The following SCNN1B variants were observed in gnomAD, a reference collection of about 807,000 sequenced individuals.
SCNN1B encodes the protein sodium channel epithelial 1 subunit beta.
In SCNN1B, 46 loss-of-function variants were observed where a neutral mutation model predicts 65.3. That is an observed-to-expected ratio of 0.70 (90% CI 0.56 to 0.90). SCNN1B has a LOEUF of 0.90. Among genes scored for constraint, SCNN1B ranks in the 40% least tolerant of loss-of-function variants. The pLI, the probability that SCNN1B is intolerant of heterozygous loss-of-function variation, is 0.00. For synonymous variants in SCNN1B, 349 were observed against 330.6 expected, an observed-to-expected ratio of 1.06 and a Z score of -0.60; for missense variants, 751 against 830.5, an observed-to-expected ratio of 0.90 and a Z score of 1.18.
intron 2 of SCNN1B, among the ~76,000 whole-genome samples, chr16:23,288,429 GAC>G (rs1306293690): frequency 6.6e-6 from 1 of 152,096 alleles, no homozygotes; most frequent in Non-Finnish European, 1.5e-5. Flanking sequence ...TTTATTACGT[GAC>G]AGTTTCTGCC....
At chr16:23,315,325 G>T (rs563877437) in intron 1 of SCNN1B, among the ~76,000 whole-genome samples, 18 of 151,512 alleles carry the variant, frequency 1.2e-4, no homozygotes, top group Admixed American at 1.1e-3. Context: ...CAACAAGAGC[G>T]AAAGTCTGTC....
intron 1 of SCNN1B, among the ~76,000 whole-genome samples, chr16:23,338,662 G>A (rs1596849808): frequency 6.6e-6 from 1 of 152,200 alleles, no homozygotes; most frequent in Non-Finnish European, 1.5e-5. Context: ...GTATAAGACA[G>A]CATGGAATGG....
chr16:23,374,268 G>GGAAAAAA (rs1491419571), intron 7 of SCNN1B, among the ~76,000 whole-genome samples: 1 of 60,442 alleles, frequency 1.7e-5, no homozygotes, highest in African/African-American at 5.5e-5. Context: ...CCTGTCTCAG[G>GGAAAAAA]AAAAAAAAAA....
At chr16:23,303,016 C>T (rs1448116307) in intron 1 of SCNN1B, among the ~76,000 whole-genome samples, 2 of 152,102 alleles carry the variant, frequency 1.3e-5, no homozygotes, top group Non-Finnish European at 2.9e-5. Flanking sequence ...CTGTCAGTGG[C>T]GTCCGGGGAA....
At chr16:23,317,087 C>A (rs1208229847) in intron 1 of SCNN1B, among the ~76,000 whole-genome samples, 1 of 152,226 alleles carries the variant, frequency 6.6e-6, no homozygotes, top group Non-Finnish European at 1.5e-5. Context: ...GGCTCTAAAG[C>A]CTGAAAGACC....
intron 1 of SCNN1B, among the ~76,000 whole-genome samples, chr16:23,323,964 A>G (rs72654310): frequency 6.6e-6 from 1 of 152,208 alleles, no homozygotes; most frequent in African/African-American, 2.4e-5. Flanking sequence ...GAATTACAGT[A>G]GCCAACCTTC....
In SCNN1B at chr16:23,365,103, G is replaced by T. The variant is rs1171628886; in HGVS notation, c.777-2753G>T. Among the ~76,000 whole-genome samples the T allele has an allele frequency of 2.0e-5, 3 of 151,786 alleles. No homozygotes were observed. In the East Asian group the frequency reaches 5.8e-4, roughly 29 times the overall value. Reference sequence around the variant, plus strand: ...ATGGCACCACTTCACTCCAGCCTGGGGTGAAAGAGCAAAACTCCATCTCAA... The same window carrying T: ...ATGGCACCACTTCACTCCAGCCTGGTGTGAAAGAGCAAAACTCCATCTCAA... On this transcript the variant is annotated intron_variant, in intron 4 of 12. Coordinates refer to ENST00000343070, the MANE Select transcript of SCNN1B (RefSeq NM_000336.3).
intron 2 of SCNN1B, among the ~76,000 whole-genome samples, chr16:23,296,096 G>A (rs1052078320): frequency 2.0e-5 from 3 of 151,962 alleles, no homozygotes; most frequent in African/African-American, 7.2e-5. Context: ...CCAATTGGCC[G>A]GGCTGAAGGA....
At chr16:23,321,559 C>G (rs921235297) in intron 1 of SCNN1B, among the ~76,000 whole-genome samples, 1 of 152,168 alleles carries the variant, frequency 6.6e-6, no homozygotes. Flanking sequence ...TCAGGCAAAC[C>G]CTTGCTCTCT....
intron 11 of SCNN1B, among the ~76,000 whole-genome samples, chr16:23,379,503 G>C (rs1962991587): frequency 1.3e-5 from 2 of 152,222 alleles, no homozygotes; most frequent in South Asian, 4.1e-4. Flanking sequence ...CAGATAAGAA[G>C]AGGTACCAAT....
chr16:23,281,339 AG>A (rs1235401059), intron 1 of SCNN1B, among the ~76,000 whole-genome samples: 1 of 152,172 alleles, frequency 6.6e-6, no homozygotes, highest in Admixed American at 6.6e-5. Context: ...AGGCTGAGGC[AG>A]GAGAATCACT....
intron 8 of SCNN1B, 141 bp from the exon 9 acceptor site, chr16:23,377,024 G>A (rs917003836): frequency 7.4e-5 from 57 of 768,530 alleles, no homozygotes; most frequent in African/African-American, 6.3e-4. Context: ...GGTGGGGAGC[G>A]GTGATTTTTC....
At chr16:23,293,292 GA>G (rs1164750515) in intron 2 of SCNN1B, among the ~76,000 whole-genome samples, 1 of 152,000 alleles carries the variant, frequency 6.6e-6, no homozygotes, top group Non-Finnish European at 1.5e-5. Context: ...ATGGACAAAC[GA>G]AATGTGTGGT....
chr16:23,376,675 C>T (rs935828442), intron 8 of SCNN1B, among the ~76,000 whole-genome samples: 3 of 149,052 alleles, frequency 2.0e-5, no homozygotes, highest in African/African-American at 5.0e-5. Context: ...TTTGGGAGGC[C>T]GCGGTGAGCA....
rs184517812 is a variant in SCNN1B, at chr16:23,365,095, C to T, written c.777-2761C>T. Among the ~76,000 whole-genome samples, 8 of 151,948 alleles carry T rather than the reference C, an allele frequency of 5.3e-5. No individual in the cohort carries two copies. In the South Asian group the frequency reaches 1.0e-3, roughly 20 times the overall value. ...GAGCTGAGATGGCACCACTTCACTC[C>T]AGCCTGGGGTGAAAGAGCAAAACTC... On this transcript the variant is annotated intron_variant, in intron 4 of 12. Coordinates refer to ENST00000343070, the MANE Select transcript of SCNN1B (RefSeq NM_000336.3).
intron 2 of SCNN1B, among the ~76,000 whole-genome samples, chr16:23,351,631 G>T (rs1429998708): frequency 6.6e-6 from 1 of 152,326 alleles, no homozygotes; most frequent in Non-Finnish European, 1.5e-5. Flanking sequence ...TCTCCAGCCA[G>T]AGTTGGCATT....
rs1004418938 is a variant in SCNN1B at position 23,381,057 on chromosome 16, G to A, written c.*256G>A. Reference sequence around the variant, plus strand: ...TCCTACCCTCGTCCCTACCTGTCCTGATCCTGGTCCTGAAGACCCCTCGGA... The same window carrying A: ...TCCTACCCTCGTCCCTACCTGTCCTAATCCTGGTCCTGAAGACCCCTCGGA... On this transcript the variant is annotated 3_prime_UTR_variant, in exon 13 of 13. Transcript: ENST00000343070. The A allele has an allele frequency of 2.1e-5, 12 of 558,174 alleles. No homozygotes were observed. The highest frequency in any genetic ancestry group is 3.9e-5 in the Non-Finnish European group (12 of 309,492). 34.6% of individuals were successfully genotyped at this position (558,174 alleles called of 1,614,324 possible). A position where few individuals can be genotyped will look rare whatever the true frequency, so the allele number is the denominator to read the frequency against.
chr16:23,288,968 G>C (rs1248099614), intron 2 of SCNN1B, among the ~76,000 whole-genome samples: 1 of 152,196 alleles, frequency 6.6e-6, no homozygotes, highest in Non-Finnish European at 1.5e-5. Flanking sequence ...ATAGTAACTT[G>C]CTTCATCAAA....
chr16:23,369,848 T>G (rs896541026), intron 5 of SCNN1B, among the ~76,000 whole-genome samples: 3 of 152,244 alleles, frequency 2.0e-5, no homozygotes, highest in Admixed American at 6.5e-5. Flanking sequence ...CACTTCTCTG[T>G]GCCTCAGTTT....
Sources: allele counts gnomAD v4.1 joint callset (sites outside exome capture counted in the v4.1 genomes callset), GRCh38; gene constraint gnomAD v4.1.1; transcripts MANE v1.5; gene names NCBI Gene and HGNC (gene_info 2026-07-23, HGNC 2026-07-21).